PCDH7: variants seen among roughly 807,000 people sequenced by gnomAD.
PCDH7 encodes the protein protocadherin 7, also known as protocadherin-7.
In PCDH7, 17 loss-of-function variants were observed where a neutral mutation model predicts 58.9. The ratio of observed to expected loss-of-function variants is 0.29; its 90% CI spans 0.20 to 0.43. The LOEUF is 0.43. PCDH7 is among the 20% of genes least tolerant of loss of function. PCDH7 has a pLI of 1.00. For missense variants in PCDH7, 1,274 were observed against 1,441.0 expected (o/e 0.88, Z 1.88); for synonymous variants, 664 against 616.4 (o/e 1.08, Z -1.14).
chr4:30,915,348 G>T (rs1259273592), intron 1 of PCDH7, among the ~76,000 whole-genome samples: 1 of 152,134 alleles, frequency 6.6e-6, no homozygotes, highest in East Asian at 1.9e-4. Flanking sequence ...AGAGTTTAGA[G>T]ATACTGTAGC....
intron 1 of PCDH7, among the ~76,000 whole-genome samples, chr4:30,789,219 C>T (rs1442145956): frequency 2.6e-5 from 4 of 152,100 alleles, no homozygotes; most frequent in Non-Finnish European, 4.4e-5. Flanking sequence ...TGTTCTGCAT[C>T]GAGTTGAATG....
intron 3 of PCDH7, among the ~76,000 whole-genome samples, chr4:31,137,045 A>C (rs544113775): frequency 6.6e-6 from 1 of 152,240 alleles, no homozygotes; most frequent in African/African-American, 2.4e-5. Flanking sequence ...AGGGAATGTT[A>C]AAACATTTGT....
chr4:30,958,890 A>C (rs1487935095), intron 3 of PCDH7, among the ~76,000 whole-genome samples: 1 of 152,112 alleles, frequency 6.6e-6, no homozygotes, highest in East Asian at 1.9e-4. Context: ...ATAAAGCATA[A>C]AAGCATTTTA....
At chr4:30,898,497 T>A (rs1253963122) in intron 1 of PCDH7, among the ~76,000 whole-genome samples, 1 of 152,236 alleles carries the variant, frequency 6.6e-6, no homozygotes, top group African/African-American at 2.4e-5. Flanking sequence ...ACATTATTTC[T>A]AGAGATCAGA....
At chr4:30,940,922 A>G (rs1038752955) in intron 2 of PCDH7, among the ~76,000 whole-genome samples, 6 of 151,940 alleles carry the variant, frequency 3.9e-5, no homozygotes, top group Non-Finnish European at 7.4e-5. Context: ...AAACATTGAG[A>G]ATATATACAT....
chr4:30,758,626 T>C (rs943452408), intron 1 of PCDH7, among the ~76,000 whole-genome samples: 3 of 152,098 alleles, frequency 2.0e-5, no homozygotes, highest in African/African-American at 7.2e-5. Context: ...ATGACAGTTG[T>C]GTGAGCACTA....
intron 3 of PCDH7, among the ~76,000 whole-genome samples, chr4:30,967,464 T>C (rs1288254476): frequency 6.6e-6 from 1 of 152,162 alleles, no homozygotes; most frequent in Non-Finnish European, 1.5e-5. Flanking sequence ...CTCTCTTTAT[T>C]TAAAATTATA....
intron 1 of PCDH7, among the ~76,000 whole-genome samples, chr4:30,762,490 T>C (rs889486606): frequency 9.6e-5 from 10 of 104,290 alleles, no homozygotes; most frequent in Non-Finnish European, 1.7e-4. Context: ...TTTCCCTTGC[T>C]TCCTGAACTC....
chr4:30,876,648 T>C (rs1010242623), intron 1 of PCDH7, among the ~76,000 whole-genome samples: 16 of 152,042 alleles, frequency 1.1e-4, no homozygotes, highest in African/African-American at 3.6e-4. Context: ...ATGTGAAATA[T>C]TATAAGATCA....
chr4:30,842,832 G>A (rs1401706058), intron 1 of PCDH7, among the ~76,000 whole-genome samples: 3 of 152,140 alleles, frequency 2.0e-5, no homozygotes, highest in African/African-American at 7.2e-5. Flanking sequence ...ACAGCAGCAG[G>A]GGGCACGTTG....
At chr4:30,998,743 G>C (rs953520487) in intron 3 of PCDH7, among the ~76,000 whole-genome samples, 5 of 152,084 alleles carry the variant, frequency 3.3e-5, no homozygotes, top group African/African-American at 9.7e-5. Flanking sequence ...AGGATTTGGG[G>C]ATAAGGAAGG....
At chr4:31,095,140 C>T (rs1039446313) in intron 3 of PCDH7, among the ~76,000 whole-genome samples, 4 of 151,734 alleles carry the variant, frequency 2.6e-5, no homozygotes, top group Non-Finnish European at 5.9e-5. Flanking sequence ...TGGCTAAAAC[C>T]TTAGCTTTAA....
intron 1 of PCDH7, among the ~76,000 whole-genome samples, chr4:30,801,650 A>G (rs937289664): frequency 6.6e-6 from 1 of 152,224 alleles, no homozygotes; most frequent in Non-Finnish European, 1.5e-5. Flanking sequence ...ATAGAACTCA[A>G]GTTTATCACT....
intron 3 of PCDH7, among the ~76,000 whole-genome samples, chr4:31,107,780 A>G (rs1715768304): frequency 6.6e-6 from 1 of 152,196 alleles, no homozygotes. Flanking sequence ...CAGTCAAACT[A>G]GACTTTCATT....
chr4:30,997,265 A>G (rs1461648797), intron 3 of PCDH7, among the ~76,000 whole-genome samples: 4 of 152,176 alleles, frequency 2.6e-5, no homozygotes, highest in Admixed American at 6.5e-5. Flanking sequence ...ATAAATGGTT[A>G]TTTTAGAAAG....
At chr4:30,806,454 C>T (rs1310129042) in intron 1 of PCDH7, among the ~76,000 whole-genome samples, 2 of 151,974 alleles carry the variant, frequency 1.3e-5, no homozygotes, top group African/African-American at 4.8e-5. Context: ...AGGTGCATGC[C>T]ACCATGCCTG....
intron 1 of PCDH7, among the ~76,000 whole-genome samples, chr4:30,850,858 C>A (rs1732640852): frequency 6.6e-6 from 1 of 152,100 alleles, no homozygotes; most frequent in South Asian, 2.1e-4. Flanking sequence ...CTCCCAACAT[C>A]AACTGCCACT....
chr4:31,002,661 C>A (rs1039075729), intron 3 of PCDH7, among the ~76,000 whole-genome samples: 1 of 152,124 alleles, frequency 6.6e-6, no homozygotes, highest in African/African-American at 2.4e-5. Flanking sequence ...TATGCTTTAG[C>A]AATTAATGCA....
chr4:30,868,036 A>G (rs965479963), intron 1 of PCDH7, among the ~76,000 whole-genome samples: 1 of 152,022 alleles, frequency 6.6e-6, no homozygotes, highest in African/African-American at 2.4e-5. Flanking sequence ...GTTATTATCC[A>G]TCATTACATG....
Sources: gnomAD v4.1 joint callset for allele counts (sites outside exome capture counted in the v4.1 genomes callset) on GRCh38, gnomAD v4.1.1 for gene constraint, MANE v1.5 for transcripts, NCBI Gene and HGNC (gene_info 2026-07-23, HGNC 2026-07-21) for gene names.